The following CAAP1 variants were observed in gnomAD, a reference collection of about 807,000 sequenced individuals.
The protein encoded by CAAP1 is caspase activity and apoptosis inhibitor 1.
A neutral mutation model predicts 34.0 loss-of-function variants in CAAP1; 20 were observed. The observed-to-expected ratio is 0.59, with a 90% CI of 0.41 to 0.86. CAAP1 has a LOEUF of 0.86. CAAP1 is among the 40% of genes least tolerant of loss of function. The pLI is 0.00. For synonymous variants in CAAP1, 213 were observed against 166.7 expected (o/e 1.28, Z -2.14); for missense variants, 538 against 450.5 (o/e 1.19, Z -1.76).
In CAAP1 at chr9:26,892,721, C is replaced by G. The variant is rs551011679; in HGVS notation, c.-6G>C. The G allele has an allele frequency of 1.3e-6, 2 of 1,580,760 alleles. No individual in the cohort carries two copies. The highest frequency in any genetic ancestry group is 2.7e-5 in the African/African-American group (2 of 74,386). ...GAGGACTTTTTCCCCGTCATGATCC[C>G]TCTGCTGCAACCATCGGAGGAAAGT... On this transcript the variant is annotated 5_prime_UTR_variant, in exon 1 of 6. Coordinates refer to ENST00000333916, the MANE Select transcript of CAAP1 (RefSeq NM_024828.4).
intron 4 of CAAP1, among the ~76,000 whole-genome samples, chr9:26,870,443 G>C (rs1036522987): frequency 6.6e-6 from 1 of 151,138 alleles, no homozygotes; most frequent in South Asian, 2.1e-4. Flanking sequence ...CATAACAATC[G>C]ATGCATTCCA....
rs555054536 is a variant in CAAP1 at position 26,863,266 on chromosome 9, G to GT, written c.666-2128dup. Among the ~76,000 whole-genome samples, 6 of 152,220 alleles carry GT rather than the reference G, an allele frequency of 3.9e-5. No homozygotes were observed. The East Asian group carries it at 1.2e-3, about 29-fold the overall frequency. On this transcript the variant is annotated intron_variant, in intron 4 of 5. Coordinates refer to ENST00000333916, the MANE Select transcript of CAAP1 (RefSeq NM_024828.4). ...AAGTCGCCAAACAGAATTTCAGACA[G>GT]TAAGTATTTTACACCACCCTGTGGC...
intron 4 of CAAP1, among the ~76,000 whole-genome samples, chr9:26,865,046 TTA>T (rs1401661379): frequency 6.6e-6 from 1 of 152,186 alleles, no homozygotes; most frequent in Admixed American, 6.5e-5. Flanking sequence ...AGTCTGCTCT[TTA>T]TATGTGTCTA....
chr9:26,848,265 G>T (rs1822663310), intron 5 of CAAP1, among the ~76,000 whole-genome samples: 1 of 152,162 alleles, frequency 6.6e-6, no homozygotes, highest in South Asian at 2.1e-4. Context: ...CTGTAACCCA[G>T]CACTTTGGGA....
intron 4 of CAAP1, among the ~76,000 whole-genome samples, chr9:26,862,997 G>A (rs1275523890): frequency 6.6e-6 from 1 of 152,000 alleles, no homozygotes; most frequent in African/African-American, 2.4e-5. Context: ...TCTTGATAAA[G>A]GGTATATGGA....
chr9:26,855,322 G>A (rs73643109), intron 5 of CAAP1, among the ~76,000 whole-genome samples: 4 of 152,126 alleles, frequency 2.6e-5, no homozygotes, highest in Admixed American at 6.6e-5. Context: ...TCAGGAGTTG[G>A]GGGGGAGAGA....
Position 26,892,775 on chromosome 9 carries a change from A to C in CAAP1, c.-60T>G. 1 of 1,484,650 alleles carries C rather than the reference A, an allele frequency of 6.7e-7. No homozygotes were observed. Among genetic ancestry groups the C allele is most frequent in the Non-Finnish European group, 9.0e-7 (1 of 1,114,464 alleles). 92.0% of individuals were successfully genotyped at this position (1,484,650 alleles called of 1,614,324 possible). ...CTGTCTCTGGTGCGACCGAAGCCCG[A>C]CTCCTGCGGCCGTGGGCGGCAGGCA... On this transcript the variant is annotated 5_prime_UTR_variant, in exon 1 of 6. Coordinates refer to ENST00000333916, the MANE Select transcript of CAAP1 (RefSeq NM_024828.4).
chr9:26,889,858 ACT>A (rs1185022462), intron 1 of CAAP1, among the ~76,000 whole-genome samples: 5 of 129,418 alleles, frequency 3.9e-5, no homozygotes, highest in African/African-American at 6.5e-5. Flanking sequence ...ACAGAGCGAG[ACT>A]CTGTCTCAAA....
Position 26,872,553 on chromosome 9 carries a change from A to AATATATATATATATATATATATATAT in CAAP1, c.666-11415_666-11414insATATATATATATATATATATATATAT, listed in dbSNP as rs145299717. Among the ~76,000 whole-genome samples, 245 of 142,442 alleles carry AATATATATATATATATATATATATAT rather than the reference A, an allele frequency of 1.7e-3. 3 individuals carry two copies. Among genetic ancestry groups the AATATATATATATATATATATATATAT allele is most frequent in the African/African-American group, 6.3e-3 (232 of 36,842 alleles). The allele number at this position is 142,442 out of a possible 152,430, so 93.4% of individuals were successfully genotyped here. On this transcript the variant is annotated intron_variant, in intron 4 of 5. Coordinates refer to ENST00000333916, the MANE Select transcript of CAAP1 (RefSeq NM_024828.4). ...TAAATAGACAGATAGATATACATAT[A>AATATATATATATATATATATATATAT]ATATATATATATATATATATTTAGA...
chr9:26,865,137 AAT>A (rs937862744), intron 4 of CAAP1, among the ~76,000 whole-genome samples: 13 of 152,212 alleles, frequency 8.5e-5, no homozygotes, highest in African/African-American at 2.2e-4. Flanking sequence ...TATACATTCA[AAT>A]ATATATGTTT....
intron 5 of CAAP1, among the ~76,000 whole-genome samples, chr9:26,849,452 T>C (rs1297136766): frequency 6.6e-6 from 1 of 152,246 alleles, no homozygotes; most frequent in East Asian, 1.9e-4. Context: ...AAGTTAACTT[T>C]AGTTCTTTCG....
chr9:26,866,370 T>C (rs1823138880), intron 4 of CAAP1, among the ~76,000 whole-genome samples: 1 of 152,182 alleles, frequency 6.6e-6, no homozygotes. Flanking sequence ...AGAAAATATG[T>C]ACATATATAT....
intron 4 of CAAP1, among the ~76,000 whole-genome samples, chr9:26,862,893 G>T (rs1823036102): frequency 1.3e-5 from 2 of 151,832 alleles, no homozygotes; most frequent in Admixed American, 1.3e-4. Flanking sequence ...AAAGTGTCAT[G>T]GTGTATATAA....
At chr9:26,858,307 G>A (rs1285673073) in intron 5 of CAAP1, among the ~76,000 whole-genome samples, 1 of 152,128 alleles carries the variant, frequency 6.6e-6, no homozygotes, top group Non-Finnish European at 1.5e-5. Context: ...AATCTTTATT[G>A]AGCCTATCAG....
intron 4 of CAAP1, among the ~76,000 whole-genome samples, chr9:26,875,404 G>A (rs765921848): frequency 6.6e-6 from 1 of 152,094 alleles, no homozygotes; most frequent in Non-Finnish European, 1.5e-5. Flanking sequence ...GCAACAGAGT[G>A]AGACCCTGTC....
intron 5 of CAAP1, among the ~76,000 whole-genome samples, chr9:26,847,654 T>G (rs2131296177): frequency 6.6e-6 from 1 of 152,342 alleles, no homozygotes; most frequent in African/African-American, 2.4e-5. Context: ...TTTTTGTTTC[T>G]TAATAATACC....
chr9:26,847,275 C>T lies in CAAP1; in HGVS notation c.740-4628G>A, dbSNP rs1473223297. On this transcript the variant is annotated intron_variant, in intron 5 of 5. Transcript: ENST00000333916. Reference sequence around the variant, plus strand: ...TGTCACCCAGGCTGGAGTGCAGTGGCGCGATCTCGGCTCACTGCAAGCTCC... The same window carrying T: ...TGTCACCCAGGCTGGAGTGCAGTGGTGCGATCTCGGCTCACTGCAAGCTCC... Among the ~76,000 whole-genome samples, 7 of 114,150 alleles carry T rather than the reference C, an allele frequency of 6.1e-5. No individual in the cohort carries two copies. The East Asian group carries it at 1.5e-3, about 24-fold the overall frequency. The allele number at this position is 114,150 out of a possible 152,430, so 74.9% of individuals were successfully genotyped here.
rs554004803 is a variant in CAAP1, at chr9:26,855,570, T to C, written c.739+5496A>G. 1.1e-4 allele frequency among the ~76,000 whole-genome samples: 17 copies of C among 152,310 alleles called. No individual in the cohort carries two copies. In the East Asian group the frequency reaches 3.3e-3, roughly 29 times the overall value. ...AACTCTCTGTACTTCCTGCTCACTT[T>C]TTCTGTAAACCTAAAGCTGCTACCA... On this transcript the variant is annotated intron_variant, in intron 5 of 5. Coordinates refer to ENST00000333916, the MANE Select transcript of CAAP1 (RefSeq NM_024828.4).
intron 5 of CAAP1, among the ~76,000 whole-genome samples, chr9:26,860,185 C>T (rs1202672176): frequency 1.3e-5 from 2 of 152,064 alleles, no homozygotes; most frequent in East Asian, 3.9e-4. Flanking sequence ...ATTTGAGTAA[C>T]TAATAAAAAC....
Sources: allele counts gnomAD v4.1 joint callset (sites outside exome capture counted in the v4.1 genomes callset), GRCh38; gene constraint gnomAD v4.1.1; transcripts MANE v1.5; gene names NCBI Gene and HGNC (gene_info 2026-07-23, HGNC 2026-07-21).